Variants in ANK2 observed in about 807,000 individuals in gnomAD.
The protein encoded by ANK2 is ankyrin-2.
ANK2 carries 83 observed loss-of-function variants against 360.5 expected under a neutral mutation model. The observed-to-expected ratio is 0.23, with a 90% CI of 0.19 to 0.28. The LOEUF is 0.28. Among genes scored for constraint, ANK2 ranks in the 10% least tolerant of loss-of-function variants. The pLI, the probability that ANK2 is intolerant of heterozygous loss-of-function variation, is 1.00. For synonymous variants in ANK2, 1,740 were observed against 1,759.5 expected, an observed-to-expected ratio of 0.99 and a Z score of 0.28; for missense variants, 4,201 against 4,795.7, an observed-to-expected ratio of 0.88 and a Z score of 3.66.
At position 113,255,752 on chromosome 4, in the gene ANK2, A is replaced by G. The variant is rs754063017; in HGVS notation, c.1008A>G (p.Leu336=). The G allele has an allele frequency of 1.2e-6, 2 of 1,614,124 alleles. No homozygotes were observed. Among genetic ancestry groups the G allele is most frequent in the Admixed American group, 1.7e-5 (1 of 60,024 alleles). The change falls in exon 11 of 46, where the codon CTA becomes CTG. Residue 336 remains leucine, a synonymous_variant. Coordinates refer to ENST00000357077, the MANE Select transcript of ANK2 (RefSeq NM_001148.6). ...LARTKNGLSP[L]HMAAQGDHVE... is the part of the protein sequence containing the mutation. ...ATGTGCAGAATGGGCTGTCTCCACT[A>G]CACATGGCTGCCCAGGGAGACCACG...
intron 2 of ANK2, among the ~76,000 whole-genome samples, chr4:113,013,269 G>A (rs10025489): frequency 2.6e-4 from 40 of 151,972 alleles, no homozygotes; most frequent in African/African-American, 9.2e-4. Flanking sequence ...GTTTTGATTC[G>A]GTAGTCCCTA....
In ANK2 at chr4:113,357,963, T is replaced by A. The variant is rs1204075702; in HGVS notation, c.9345T>A (p.Gly3115=). ...AATTGTTTGAAATGACCCGAAGTGG[T>A]GCCATTGATATGACCAAAAGGTCCT... ...EGKLFEMTRS[G]AIDMTKRSYA... Residue 3115 remains glycine (G), a synonymous_variant, in exon 38 of 46, where the codon GGT becomes GGA. Transcript: ENST00000357077. The A allele has an allele frequency of 6.2e-7, 1 of 1,613,940 alleles. No individual in the cohort carries two copies. The highest frequency in any genetic ancestry group is 8.5e-7 in the Non-Finnish European group (1 of 1,179,988).
intron 1 of ANK2, among the ~76,000 whole-genome samples, chr4:112,892,250 G>A (rs1420208637): frequency 6.6e-6 from 1 of 152,192 alleles, no homozygotes; most frequent in Non-Finnish European, 1.5e-5. Flanking sequence ...AATTTTATTG[G>A]TGTTATGTGC....
At chr4:113,032,921 C>T (rs11728485) in intron 2 of ANK2, among the ~76,000 whole-genome samples, 30,333 of 151,748 alleles carry the variant, frequency 0.2, 3,277 homozygotes, top group East Asian at 0.36. Context: ...TAGAGAAATC[C>T]GATTTTGGAG....
intron 2 of ANK2, among the ~76,000 whole-genome samples, chr4:113,009,723 A>G (rs888971820): frequency 2.0e-5 from 3 of 152,168 alleles, no homozygotes; most frequent in Admixed American, 1.3e-4. Context: ...GGATTTCTCA[A>G]CATTTGACTG....
chr4:113,372,545 G>T, intron 43 of ANK2: 1 of 1,535,326 alleles, frequency 6.5e-7, no homozygotes, highest in Non-Finnish European at 8.7e-7. Flanking sequence ...GCTAACAGAG[G>T]AATTAGGGGA....
chr4:112,939,343 C>A (rs2094011358), intron 2 of ANK2, among the ~76,000 whole-genome samples: 2 of 152,084 alleles, frequency 1.3e-5, no homozygotes, highest in African/African-American at 4.8e-5. Context: ...GAGTTTCACT[C>A]TTGTTGCCCA....
intron 2 of ANK2, among the ~76,000 whole-genome samples, chr4:112,969,663 G>GT (rs2038718084): frequency 6.6e-6 from 1 of 152,188 alleles, no homozygotes; most frequent in African/African-American, 2.4e-5. Context: ...TATCTAGCCA[G>GT]TTTTTCAAAA....
intron 22 of ANK2, among the ~76,000 whole-genome samples, chr4:113,299,560 C>A (rs372779602): frequency 2.0e-5 from 3 of 152,120 alleles, no homozygotes; most frequent in East Asian, 3.9e-4. Context: ...CACAAATGAG[C>A]CAGGCGTGCT....
At chr4:113,069,724 G>C (rs895048128) in intron 1 of ANK2, among the ~76,000 whole-genome samples, 3 of 152,092 alleles carry the variant, frequency 2.0e-5, no homozygotes, top group Non-Finnish European at 2.9e-5. Context: ...TGCTCTTTCA[G>C]ATCCTAACTA....
At chr4:113,102,926 A>G (rs1171993965) in intron 1 of ANK2, among the ~76,000 whole-genome samples, 1 of 152,092 alleles carries the variant, frequency 6.6e-6, no homozygotes, top group African/African-American at 2.4e-5. Flanking sequence ...CTTTGGGCCA[A>G]TAGAAAAGTG....
intron 2 of ANK2, among the ~76,000 whole-genome samples, chr4:112,971,895 A>G (rs996206863): frequency 1.3e-5 from 2 of 152,208 alleles, no homozygotes; most frequent in African/African-American, 4.8e-5. Context: ...CCAGTGAGGC[A>G]ATGGTAGAGT....
chr4:113,360,735 G>C (rs2096156959), intron 38 of ANK2, 88 bp from the exon 39 acceptor site: 1 of 1,164,158 alleles, frequency 8.6e-7, no homozygotes, highest in Non-Finnish European at 1.3e-6. Context: ...ATTTGGAGAA[G>C]TGACTTCCTT....
intron 1 of ANK2, among the ~76,000 whole-genome samples, chr4:112,889,131 C>G (rs2079210687): frequency 6.6e-6 from 1 of 151,718 alleles, no homozygotes; most frequent in South Asian, 2.1e-4. Context: ...TTAAGATTTT[C>G]TTAAACATTT....
At chr4:112,846,033 T>G (rs2063213991) in intron 1 of ANK2, among the ~76,000 whole-genome samples, 1 of 152,256 alleles carries the variant, frequency 6.6e-6, no homozygotes, top group South Asian at 2.1e-4. Context: ...AACCTGTATA[T>G]GTTTTTCTCC....
At chr4:113,030,124 T>C (rs2060088201) in intron 2 of ANK2, among the ~76,000 whole-genome samples, 2 of 151,996 alleles carry the variant, frequency 1.3e-5, no homozygotes, top group African/African-American at 4.8e-5. Flanking sequence ...TATAGAAGGG[T>C]AATATTGAAA....
intron 2 of ANK2, among the ~76,000 whole-genome samples, chr4:112,966,587 C>T (rs1364191896): frequency 1.3e-5 from 2 of 152,000 alleles, no homozygotes; most frequent in Non-Finnish European, 2.9e-5. Flanking sequence ...ATTCCTTTAT[C>T]AGTGTCACTT....
chr4:113,047,919 G>T (rs2065103404), upstream of ANK2, among the ~76,000 whole-genome samples: 1 of 151,962 alleles, frequency 6.6e-6, no homozygotes, highest in Non-Finnish European at 1.5e-5. Context: ...AATTTTTGTT[G>T]CTCTGTCTGA....
At chr4:113,320,768 T>G (rs1048279741) in intron 26 of ANK2, among the ~76,000 whole-genome samples, 13 of 152,216 alleles carry the variant, frequency 8.5e-5, no homozygotes, top group Non-Finnish European at 1.5e-5. Flanking sequence ...ACAGTTGTTT[T>G]ATATATAAAC....
Sources: gnomAD v4.1 joint callset for allele counts (sites outside exome capture counted in the v4.1 genomes callset) on GRCh38, gnomAD v4.1.1 for gene constraint, MANE v1.5 for transcripts, NCBI Gene and HGNC (gene_info 2026-07-23, HGNC 2026-07-21) for gene names.